BMPR2: variants seen among roughly 807,000 people sequenced by gnomAD.
BMPR2 encodes the protein bone morphogenetic protein receptor type 2, also known as bone morphogenetic protein receptor type-2.
In BMPR2, 29 loss-of-function variants were observed where a neutral mutation model predicts 100.8. The ratio of observed to expected loss-of-function variants is 0.29; its 90% CI spans 0.21 to 0.39. BMPR2 has a LOEUF of 0.39. Among genes scored for constraint, BMPR2 ranks in the 10% least tolerant of loss-of-function variants. The probability of loss-of-function intolerance (pLI) is 1.00; values close to 1 mark genes in which losing one functional copy is unlikely to be tolerated. For synonymous variants in BMPR2, 382 were observed against 442.3 expected (o/e 0.86, Z 1.71); for missense variants, 1,011 against 1,274.5 (o/e 0.79, Z 3.15).
At chr2:202,542,109 TAAA>T (rs767970972) in intron 9 of BMPR2, among the ~76,000 whole-genome samples, 199 bp from the exon 10 acceptor site, 1 of 129,230 alleles carries the variant, frequency 7.7e-6, no homozygotes, top group African/African-American at 2.9e-5. Context: ...AGACTCCGTC[TAAA>T]AAAAAAAAAA....
intron 10 of BMPR2, among the ~76,000 whole-genome samples, chr2:202,550,279 G>T (rs576728140): frequency 4.0e-5 from 6 of 151,562 alleles, no homozygotes; most frequent in Admixed American, 3.9e-4. Context: ...AGGCTGAGGC[G>T]GGAGAATGGC....
intron 10 of BMPR2, among the ~76,000 whole-genome samples, chr2:202,549,473 A>G (rs974981603): frequency 6.6e-6 from 1 of 152,188 alleles, no homozygotes; most frequent in African/African-American, 2.4e-5. Context: ...AGAGTGGTTG[A>G]ATCATGTGGT....
At chr2:202,466,372 C>T (rs921117477) in intron 2 of BMPR2, among the ~76,000 whole-genome samples, 4 of 151,384 alleles carry the variant, frequency 2.6e-5, no homozygotes, top group South Asian at 2.1e-4. Context: ...CTGCAACCTC[C>T]GCCTCCCGGG....
chr2:202,406,349 T>G (rs1690891313), intron 1 of BMPR2, among the ~76,000 whole-genome samples: 1 of 152,244 alleles, frequency 6.6e-6, no homozygotes, highest in African/African-American at 2.4e-5. Context: ...TTGTACTCTA[T>G]GGCAGAGAAG....
rs1688782376 is a variant in BMPR2 at position 202,567,433 on chromosome 2, G to A, written c.*7487G>A. The A allele has an allele frequency of 6.6e-6, 1 of 152,504 alleles. No homozygotes were observed. Among genetic ancestry groups the A allele is most frequent in the South Asian group, 2.1e-4 (1 of 4,822 alleles). 9.4% of individuals were successfully genotyped at this position (152,504 alleles called of 1,614,324 possible). A position where few individuals can be genotyped will look rare whatever the true frequency, so the allele number is the denominator to read the frequency against. On this transcript the variant is annotated 3_prime_UTR_variant, in exon 13 of 13. Coordinates refer to ENST00000374580, the MANE Select transcript of BMPR2 (RefSeq NM_001204.7). Reference sequence around the variant, plus strand: ...CTTTATGAATAATTTCAGTTATTTTGCTTTTGTATAAGCTGTCTGAAGCCT... The same window carrying A: ...CTTTATGAATAATTTCAGTTATTTTACTTTTGTATAAGCTGTCTGAAGCCT...
At chr2:202,478,363 C>T (rs1692591086) in intron 3 of BMPR2, among the ~76,000 whole-genome samples, 1 of 152,122 alleles carries the variant, frequency 6.6e-6, no homozygotes, top group South Asian at 2.1e-4. Flanking sequence ...CAACCATATA[C>T]AGTATGTTAA....
rs1201308485 is a variant in BMPR2, at chr2:202,420,537, A to ATAT, written c.76+42988_76+42989insATT. Among the ~76,000 whole-genome samples, 122 of 59,026 alleles carry ATAT rather than the reference A, an allele frequency of 2.1e-3. 1 individual carries two copies. The highest frequency in any genetic ancestry group is 0.014 in the East Asian group (20 of 1,398). The allele number at this position is 59,026 out of a possible 152,430, so 38.7% of individuals were successfully genotyped here. ...GTATGCAAACATCTGTAGAAGCATG[A>ATAT]TTTTTTTTTTTTTTTTTTTTTTTTT... On this transcript the variant is annotated intron_variant, in intron 1 of 12. Transcript: ENST00000374580.
rs771385283 is a variant in BMPR2, at chr2:202,532,671, C to T, written c.1215C>T (p.Asp405=). 12 of 1,613,604 alleles carry T rather than the reference C, an allele frequency of 7.4e-6. No individual in the cohort carries two copies. The highest frequency in any genetic ancestry group is 6.7e-5 in the African/African-American group (5 of 74,900). ...GTGAATCAGCTTTGAAACAAGTAGA[C>T]ATGTATGCTCTTGGACTAATCTATT... ...RDCESALKQV[D]MYALGLIYWE... is the part of the protein sequence containing the mutation. Residue 405 remains aspartate (D), a synonymous_variant, in exon 9 of 13, where the codon GAC becomes GAT. Transcript: ENST00000374580. The surrounding 1 kb of genome is among the most constrained non-coding windows in gnomAD (Gnocchi z 4.1).
chr2:202,482,336 C>T (rs1204647430), intron 3 of BMPR2, among the ~76,000 whole-genome samples: 1 of 152,030 alleles, frequency 6.6e-6, no homozygotes, highest in Non-Finnish European at 1.5e-5. Flanking sequence ...GGATGTATAC[C>T]AAGAAATAGA....
At chr2:202,446,268 G>A (rs577022405) in intron 1 of BMPR2, among the ~76,000 whole-genome samples, 6 of 149,846 alleles carry the variant, frequency 4.0e-5, no homozygotes, top group Admixed American at 6.6e-5. Flanking sequence ...GCATGGTGGC[G>A]CATGCCTGTA....
intron 1 of BMPR2, among the ~76,000 whole-genome samples, chr2:202,402,846 G>GT (rs1690793824): frequency 8.7e-5 from 12 of 138,318 alleles, no homozygotes; most frequent in Non-Finnish European, 1.6e-5. Flanking sequence ...TTTTTTTTTT[G>GT]AGATGGAGTT....
At chr2:202,487,269 ATCTAGGAACTTAATGGCTAAAGAAG>A (rs1161802256) in intron 3 of BMPR2, among the ~76,000 whole-genome samples, 5 of 152,142 alleles carry the variant, frequency 3.3e-5, no homozygotes, top group African/African-American at 1.2e-4. Context: ...TATAATAGTC[ATCTAGGAACTTAATGGCTAAAGAAG>A]ACCCCAGGTT....
intron 3 of BMPR2, among the ~76,000 whole-genome samples, chr2:202,491,847 A>G (rs1483362591): frequency 1.3e-5 from 2 of 152,214 alleles, no homozygotes; most frequent in African/African-American, 4.8e-5. Flanking sequence ...AGTCCTAAAT[A>G]TAACTAAAAA....
Position 202,556,118 on chromosome 2 carries a change from C to A in BMPR2, c.2453C>A (p.Ser818Tyr). 6.2e-7 allele frequency: 1 copy of A among 1,614,102 alleles called. No homozygotes were observed. The highest frequency in any genetic ancestry group is 2.2e-5 in the East Asian group (1 of 44,880). ...GCAGGTAGAAACCACAGTGTTAACT[C>A]CCATGCTGCCACAACCCAATATGCC... The part of the protein sequence containing the change: ...GVAGRNHSVN[S>Y]HAATTQYANG... Residue 818 changes from serine (S) to tyrosine (Y), a missense_variant, in exon 12 of 13, where the codon TCC (serine) becomes TAC (tyrosine). Ser to Tyr is a moderately radical substitution (Grantham distance 144). Coordinates refer to ENST00000374580, the MANE Select transcript of BMPR2 (RefSeq NM_001204.7).
intron 1 of BMPR2, among the ~76,000 whole-genome samples, chr2:202,461,339 C>A (rs1277027441): frequency 6.6e-6 from 1 of 152,030 alleles, no homozygotes. Context: ...ACAAAATTAG[C>A]CGGGCGTGGT....
At chr2:202,543,121 G>A (rs2106031654) in intron 10 of BMPR2, among the ~76,000 whole-genome samples, 1 of 144,128 alleles carries the variant, frequency 6.9e-6, no homozygotes, top group African/African-American at 2.7e-5. Flanking sequence ...AGATTGCAAT[G>A]AGCCGAGATC....
Position 202,532,896 on chromosome 2 carries a change from A to T in BMPR2, c.1276+164A>T, listed in dbSNP as rs1200457053. On this transcript the variant is annotated intron_variant, in intron 9 of 12. Transcript: ENST00000374580. This position sits in a 1 kb window ranked among gnomAD's most constrained non-coding sequence, Gnocchi z 4.1. ...GTTTAGAAACATTATTAGCAGCAGG[A>T]TGCAAATTAGGAATTTTTTTTTTTA... is the stretch of plus-strand genomic sequence containing the variant. Among the ~76,000 whole-genome samples, 2 of 152,184 alleles carry T rather than the reference A, an allele frequency of 1.3e-5. No homozygotes were observed. Among genetic ancestry groups the T allele is most frequent in the African/African-American group, 4.8e-5 (2 of 41,436 alleles).
chr2:202,529,644 A>G (rs1687981370), intron 7 of BMPR2, among the ~76,000 whole-genome samples: 1 of 152,174 alleles, frequency 6.6e-6, no homozygotes, highest in Non-Finnish European at 1.5e-5. Flanking sequence ...GAAATGAGAA[A>G]GAAATCAACT....
chr2:202,500,080 A>G (rs1453315220), intron 3 of BMPR2, among the ~76,000 whole-genome samples: 1 of 152,204 alleles, frequency 6.6e-6, no homozygotes, highest in East Asian at 1.9e-4. Context: ...AGATGATCCA[A>G]CAACAGGACT....
Sources: gnomAD v4.1 joint callset for allele counts (sites outside exome capture counted in the v4.1 genomes callset) on GRCh38, gnomAD v4.1.1 for gene constraint, Gnocchi (gnomAD v3.1) non-coding constraint, MANE v1.5 for transcripts, NCBI Gene and HGNC (gene_info 2026-07-23, HGNC 2026-07-21) for gene names.